Variants in XRRA1 observed in about 807,000 individuals in gnomAD.
XRRA1 encodes the protein X-ray radiation resistance associated 1.
A neutral mutation model predicts 80.2 loss-of-function variants in XRRA1; 69 were observed. The observed-to-expected ratio is 0.86, with a 90% confidence interval of 0.71 to 1.05. The LOEUF (loss-of-function observed/expected upper bound fraction) is 1.05, where lower values mean the gene tolerates loss of function less well. Among genes scored for constraint, XRRA1 ranks in the 50% least tolerant of loss-of-function variants. XRRA1 has a pLI of 0.00. For missense variants in XRRA1, 967 were observed against 976.4 expected, an observed-to-expected ratio of 0.99 and a Z score of 0.13; for synonymous variants, 348 against 389.9, an observed-to-expected ratio of 0.89 and a Z score of 1.27.
chr11:74,851,883 G>A lies in XRRA1; in HGVS notation c.1264+106C>T, dbSNP rs143569778. ...ATGTACCATGAACCTTGTCCACCCC[G>A]ACACAGAGTAGATCCCAGGGCTTGG... On this transcript the variant is annotated intron_variant, in intron 13 of 18. Coordinates refer to ENST00000684022, the MANE Select transcript of XRRA1 (RefSeq NM_001378157.1). The A allele has an allele frequency of 2.4e-3, 2,354 of 961,824 alleles. 27 individuals are homozygous for A. In the East Asian group the frequency reaches 0.03, roughly 12 times the overall value. 59.6% of individuals were successfully genotyped at this position (961,824 alleles called of 1,614,324 possible). A position where few individuals can be genotyped will look rare whatever the true frequency, so the allele number is the denominator to read the frequency against.
At chr11:74,894,526 G>A (rs751581827) in intron 10 of XRRA1, among the ~76,000 whole-genome samples, 20 of 152,184 alleles carry the variant, frequency 1.3e-4, no homozygotes, top group Non-Finnish European at 1.6e-4. Flanking sequence ...GGCAGAAAGC[G>A]AGGGGGAGGC....
At chr11:74,931,593 A>C (rs1290900587) in intron 5 of XRRA1, among the ~76,000 whole-genome samples, 1 of 152,152 alleles carries the variant, frequency 6.6e-6, no homozygotes, top group Non-Finnish European at 1.5e-5. Context: ...CCAAAGTGCT[A>C]GGATTACAGG....
intron 7 of XRRA1, among the ~76,000 whole-genome samples, chr11:74,926,032 A>T (rs508319): frequency 0.34 from 51,303 of 152,096 alleles, 9,574 homozygotes; most frequent in Non-Finnish European, 0.43. Context: ...ACAGAAAAAA[A>T]ATGCATCAGT....
intron 15 of XRRA1, 129 bp downstream of exon 15, chr11:74,847,986 C>T: frequency 1.2e-6 from 1 of 823,264 alleles, no homozygotes; most frequent in Non-Finnish European, 1.9e-6. Context: ...ACCAAGGGTG[C>T]TGACTTCTTG....
At chr11:74,898,207 C>T (rs534040599) in intron 10 of XRRA1, among the ~76,000 whole-genome samples, 4 of 151,594 alleles carry the variant, frequency 2.6e-5, no homozygotes, top group South Asian at 4.2e-4. Flanking sequence ...TTTAAAATAA[C>T]GGGTTATAAG....
chr11:74,901,792 A>G (rs1265054184), intron 10 of XRRA1, among the ~76,000 whole-genome samples: 1 of 152,226 alleles, frequency 6.6e-6, no homozygotes, highest in African/African-American at 2.4e-5. Flanking sequence ...AATTAAATAT[A>G]AGACCTCAAA....
chr11:74,892,368 C>A (rs888632648), intron 10 of XRRA1, among the ~76,000 whole-genome samples: 4 of 152,294 alleles, frequency 2.6e-5, no homozygotes, highest in African/African-American at 4.8e-5. Context: ...AAAGCTGAAA[C>A]TGGATCCCGT....
At chr11:74,906,775 C>A in intron 9 of XRRA1, 1 of 403,590 alleles carries the variant, frequency 2.5e-6, no homozygotes, top group Non-Finnish European at 4.4e-6. Flanking sequence ...AATGTAAATG[C>A]CACTATTTTC....
At chr11:74,920,778 T>C (rs114666229) in intron 8 of XRRA1, among the ~76,000 whole-genome samples, 281 of 152,328 alleles carry the variant, frequency 1.8e-3, no homozygotes, top group African/African-American at 6.5e-3. Flanking sequence ...TTAACATACA[T>C]AATGCCGAGA....
intron 12 of XRRA1, among the ~76,000 whole-genome samples, chr11:74,855,935 C>T (rs559837170): frequency 2.0e-5 from 3 of 152,140 alleles, no homozygotes; most frequent in Non-Finnish European, 4.4e-5. Flanking sequence ...GAGTTCAAGA[C>T]CAGCCTGGCC....
At chr11:74,871,314 G>A (rs565656209) in intron 10 of XRRA1, among the ~76,000 whole-genome samples, 1 of 152,288 alleles carries the variant, frequency 6.6e-6, no homozygotes, top group South Asian at 2.1e-4. Flanking sequence ...GTTGGGGGAT[G>A]CTCCCATTGT....
intron 10 of XRRA1, among the ~76,000 whole-genome samples, chr11:74,877,870 C>A (rs1206076655): frequency 6.6e-6 from 1 of 152,038 alleles, no homozygotes; most frequent in African/African-American, 2.4e-5. Context: ...CATTGTTGGA[C>A]ATTTGGGTTG....
intron 15 of XRRA1, among the ~76,000 whole-genome samples, chr11:74,845,635 C>A (rs148822510): frequency 1.3e-5 from 2 of 152,226 alleles, no homozygotes; most frequent in African/African-American, 2.4e-5. Context: ...AGGAACAGCA[C>A]GAGCAAAGGC....
chr11:74,861,279 C>G (rs1038560433), intron 11 of XRRA1, among the ~76,000 whole-genome samples: 1 of 152,222 alleles, frequency 6.6e-6, no homozygotes, highest in African/African-American at 2.4e-5. Flanking sequence ...GGCCGCACAG[C>G]AGGAAGTGAG....
intron 7 of XRRA1, among the ~76,000 whole-genome samples, chr11:74,926,127 A>T (rs1942174651): frequency 6.6e-6 from 1 of 152,344 alleles, no homozygotes; most frequent in Non-Finnish European, 1.5e-5. Flanking sequence ...TTTTGTCTCA[A>T]ATCATAGAAA....
chr11:74,875,176 A>G (rs2136362781), intron 10 of XRRA1, among the ~76,000 whole-genome samples: 1 of 152,324 alleles, frequency 6.6e-6, no homozygotes, highest in South Asian at 2.1e-4. Flanking sequence ...CACGAGAGGT[A>G]GCAGTGATGC....
At chr11:74,887,812 G>C (rs1400645527) in intron 10 of XRRA1, among the ~76,000 whole-genome samples, 2 of 152,060 alleles carry the variant, frequency 1.3e-5, no homozygotes, top group Non-Finnish European at 2.9e-5. Context: ...GGCCCAAGGA[G>C]CCTCACTCAT....
chr11:74,841,962 A>G lies in XRRA1; in HGVS notation c.*1238T>C, dbSNP rs942424630. 2 of 152,264 alleles carry G rather than the reference A, an allele frequency of 1.3e-5. No individual in the cohort carries two copies. The highest frequency in any genetic ancestry group is 2.9e-5 in the Non-Finnish European group (2 of 68,048). The allele number at this position is 152,264 out of a possible 1,614,324, so 9.4% of individuals were successfully genotyped here. The stretch of plus-strand genomic sequence containing the variant: ...AGCACTTAAAAGTCCTAGTGAGAGA[A>G]TAGATACTATGCAAGGGAAAAAAAT... On this transcript the variant is annotated 3_prime_UTR_variant, in exon 19 of 19. Transcript: ENST00000684022.
chr11:74,841,566 G>A lies in XRRA1; in HGVS notation c.*1634C>T, dbSNP rs2036553977. On this transcript the variant is annotated 3_prime_UTR_variant, in exon 19 of 19. Transcript: ENST00000684022. ...AAAATTTACTCTCTCTCCTTTGTGA[G>A]TAAATGCCTCCTTAATGCCTTTTAA... is the stretch of plus-strand genomic sequence containing the variant. 6.6e-6 allele frequency: 1 copy of A among 152,162 alleles called. No homozygotes were observed. Among genetic ancestry groups the A allele is most frequent in the East Asian group, 1.9e-4 (1 of 5,196 alleles). 9.4% of individuals were successfully genotyped at this position (152,162 alleles called of 1,614,324 possible). A position where few individuals can be genotyped will look rare whatever the true frequency, so the allele number is the denominator to read the frequency against.
Sources: allele counts gnomAD v4.1 joint callset (sites outside exome capture counted in the v4.1 genomes callset), GRCh38; gene constraint gnomAD v4.1.1; transcripts MANE v1.5; gene names NCBI Gene and HGNC (gene_info 2026-07-23, HGNC 2026-07-21).